CLEC16A: variants seen among roughly 807,000 people sequenced by gnomAD.
The protein encoded by CLEC16A is C-type lectin domain containing 16A.
In CLEC16A, 51 loss-of-function variants were observed where a neutral mutation model predicts 109.5. The observed-to-expected ratio is 0.47, with a 90% CI of 0.37 to 0.59. The LOEUF (loss-of-function observed/expected upper bound fraction) is 0.59. Among genes scored for constraint, CLEC16A ranks in the 20% least tolerant of loss-of-function variants. CLEC16A has a pLI of 0.00. For missense variants in CLEC16A, 1,339 were observed against 1,394.0 expected (o/e 0.96, Z 0.63); for synonymous variants, 673 against 564.2 (o/e 1.19, Z -2.73).
At chr16:11,128,730 C>T (rs561683781) in intron 22 of CLEC16A, among the ~76,000 whole-genome samples, 3 of 152,198 alleles carry the variant, frequency 2.0e-5, no homozygotes, top group South Asian at 4.1e-4. Flanking sequence ...AGTCAGGGTC[C>T]CCCACAGCAG....
intron 19 of CLEC16A, among the ~76,000 whole-genome samples, chr16:11,082,198 G>C (rs900403242): frequency 6.6e-6 from 1 of 152,200 alleles, no homozygotes; most frequent in Non-Finnish European, 1.5e-5. Context: ...GTGTGCACAC[G>C]TGAGTGTGTG....
intron 13 of CLEC16A, among the ~76,000 whole-genome samples, chr16:11,038,569 TC>T (rs2047151625): frequency 6.6e-6 from 1 of 152,126 alleles, no homozygotes; most frequent in Non-Finnish European, 1.5e-5. Context: ...ACAACAGGGC[TC>T]AAAGTCACAC....
chr16:11,019,037 G>GGGGA (rs1432594410), intron 11 of CLEC16A, among the ~76,000 whole-genome samples: 2 of 152,204 alleles, frequency 1.3e-5, no homozygotes, highest in African/African-American at 4.8e-5. Context: ...CATGAGCCGG[G>GGGGA]GGGAGGGAGA....
intron 10 of CLEC16A, among the ~76,000 whole-genome samples, chr16:10,989,007 C>T (rs540935048): frequency 6.6e-6 from 1 of 152,224 alleles, no homozygotes; most frequent in South Asian, 2.1e-4. Flanking sequence ...AGACACCATG[C>T]GCCCTTCAGT....
chr16:11,023,936 G>T (rs2046268502), intron 12 of CLEC16A, among the ~76,000 whole-genome samples: 1 of 152,216 alleles, frequency 6.6e-6, no homozygotes, highest in African/African-American at 2.4e-5. Context: ...GTGTTGAAGA[G>T]TATTTTTCTG....
At chr16:11,077,761 G>A (rs908418219) in intron 19 of CLEC16A, among the ~76,000 whole-genome samples, 5 of 152,204 alleles carry the variant, frequency 3.3e-5, no homozygotes, top group African/African-American at 1.2e-4. Context: ...GGTGCTGCAG[G>A]CGGCCTGGAC....
At chr16:11,074,426 C>T (rs1296892331) in intron 19 of CLEC16A, among the ~76,000 whole-genome samples, 1 of 152,184 alleles carries the variant, frequency 6.6e-6, no homozygotes, top group African/African-American at 2.4e-5. Context: ...TGTAATAGAG[C>T]TGTCAGTTTT....
At position 10,971,151 on chromosome 16, in the gene CLEC16A, A is replaced by G. The variant is rs771431541; in HGVS notation, c.519A>G (p.Thr173=). 6.2e-7 allele frequency: 1 copy of G among 1,613,632 alleles called. No individual in the cohort carries two copies. Among genetic ancestry groups the G allele is most frequent in the Non-Finnish European group, 8.5e-7 (1 of 1,179,626 alleles). ...NEHTNDFALY[T]EAIKFFNHPE... ...ACACCAATGACTTTGCCCTGTACAC[A>G]GAAGCCATCAAGTTTTTCAACCACC... The change falls in exon 5 of 24, where the codon ACA becomes ACG. Residue 173 remains threonine (T), a synonymous_variant. Coordinates refer to ENST00000409790, the MANE Select transcript of CLEC16A (RefSeq NM_015226.3).
chr16:11,103,449 G>A (rs371966451), intron 19 of CLEC16A, among the ~76,000 whole-genome samples: 2 of 152,136 alleles, frequency 1.3e-5, no homozygotes, highest in Non-Finnish European at 2.9e-5. Flanking sequence ...GCGTGGTGGC[G>A]CATGCCTGTT....
At chr16:11,166,844 C>A (rs2068286223) in intron 23 of CLEC16A, among the ~76,000 whole-genome samples, 1 of 152,212 alleles carries the variant, frequency 6.6e-6, no homozygotes, top group South Asian at 2.1e-4. Flanking sequence ...TAAACCCACC[C>A]TATCATCACC....
chr16:10,950,522 T>C (rs2041673254), intron 1 of CLEC16A, among the ~76,000 whole-genome samples: 1 of 152,186 alleles, frequency 6.6e-6, no homozygotes, highest in African/African-American at 2.4e-5. Flanking sequence ...CGGCCCAGCC[T>C]CACTTGCCGG....
chr16:10,984,972 C>G (rs935455753), intron 10 of CLEC16A, among the ~76,000 whole-genome samples: 1 of 151,996 alleles, frequency 6.6e-6, no homozygotes, highest in Non-Finnish European at 1.5e-5. Flanking sequence ...GAGGCCGAGG[C>G]GGGCAGATCA....
rs1385613934 is a variant in CLEC16A at position 11,180,316 on chromosome 16, T to C, written c.*1626T>C. The C allele has an allele frequency of 1.3e-5, 2 of 152,270 alleles. No homozygotes were observed. Among genetic ancestry groups the C allele is most frequent in the Non-Finnish European group, 2.9e-5 (2 of 68,118 alleles). 9.4% of individuals were successfully genotyped at this position (152,270 alleles called of 1,614,324 possible). On this transcript the variant is annotated 3_prime_UTR_variant, in exon 24 of 24. Transcript: ENST00000409790. ...CAGGCCTCAGTCCTTAGAAGCCCTC[T>C]GGGTAGCTGTGCCCACCCAGCCTTC...
chr16:10,974,725 A>T (rs2042957300), intron 7 of CLEC16A, among the ~76,000 whole-genome samples: 1 of 152,256 alleles, frequency 6.6e-6, no homozygotes, highest in African/African-American at 2.4e-5. Flanking sequence ...CAATTGGGAA[A>T]GCTAGAAGCC....
chr16:11,115,934 C>A (rs2153013030), intron 19 of CLEC16A, among the ~76,000 whole-genome samples: 1 of 151,832 alleles, frequency 6.6e-6, no homozygotes, highest in Non-Finnish European at 1.5e-5. Flanking sequence ...CCAGGATGAA[C>A]TCTTGGGCTC....
intron 1 of CLEC16A, among the ~76,000 whole-genome samples, chr16:10,948,159 C>T (rs2041523171): frequency 6.6e-6 from 1 of 152,178 alleles, no homozygotes. Flanking sequence ...TCCCAAAGTG[C>T]TGGGATTACA....
intron 10 of CLEC16A, among the ~76,000 whole-genome samples, chr16:10,989,862 G>A (rs963076326): frequency 1.3e-5 from 2 of 152,192 alleles, no homozygotes; most frequent in African/African-American, 4.8e-5. Flanking sequence ...AGCTCCCCTG[G>A]TCGCTGCTGC....
In CLEC16A at chr16:11,164,412, G is replaced by T. The variant is rs115257254; in HGVS notation, c.2642-1976G>T. Among the ~76,000 whole-genome samples the T allele has an allele frequency of 5.5e-3, 832 of 152,316 alleles. 10 individuals are homozygous for T. Among genetic ancestry groups the T allele is most frequent in the African/African-American group, 0.019 (800 of 41,566 alleles). ...ACCTGAGTGGAAATAGCCCCTCCTT[G>T]ATGGCCCGGAGAAGAGTCCTGCTAA... is the stretch of plus-strand genomic sequence containing the variant. On this transcript the variant is annotated intron_variant, in intron 22 of 23. Coordinates refer to ENST00000409790, the MANE Select transcript of CLEC16A (RefSeq NM_015226.3).
At chr16:11,085,423 G>C (rs564505317) in intron 19 of CLEC16A, among the ~76,000 whole-genome samples, 2 of 152,248 alleles carry the variant, frequency 1.3e-5, no homozygotes, top group African/African-American at 2.4e-5. Context: ...AGGCAGACTC[G>C]GCCAAGACCC....
Sources: gnomAD v4.1 joint callset for allele counts (sites outside exome capture counted in the v4.1 genomes callset) on GRCh38, gnomAD v4.1.1 for gene constraint, MANE v1.5 for transcripts, NCBI Gene and HGNC (gene_info 2026-07-23, HGNC 2026-07-21) for gene names.